The following SPECC1 variants were observed in gnomAD, a reference collection of about 807,000 sequenced individuals.
SPECC1 encodes the protein sperm antigen with calponin homology and coiled-coil domains 1.
Under a neutral mutation model 104.1 loss-of-function variants are expected in SPECC1, and 62 were observed. That is an observed-to-expected ratio of 0.60 (90% confidence interval 0.49 to 0.74). SPECC1 has a LOEUF of 0.74. Among genes scored for constraint, SPECC1 ranks in the 30% least tolerant of loss-of-function variants. The pLI is 0.00. For missense variants in SPECC1, 1,306 were observed against 1,310.5 expected (o/e 1.00, Z 0.05); for synonymous variants, 513 against 501.6 (o/e 1.02, Z -0.30).
Position 20,039,395 on chromosome 17 carries a change from G to A in SPECC1, c.-22+29971G>A, listed in dbSNP as rs866763782. ...ATTGATTTGCCTGCTTTTCTTTCAG[G>A]ATCTTTTCTTGATCCTTTTATTCCT... On this transcript the variant is annotated intron_variant, in intron 1 of 14. Coordinates refer to ENST00000395527, the MANE Select transcript of SPECC1 (RefSeq NM_001243439.2). Among the ~76,000 whole-genome samples, 10 of 152,038 alleles carry A rather than the reference G, an allele frequency of 6.6e-5. 1 individual carries two copies. In the South Asian group the frequency reaches 8.3e-4, roughly 13 times the overall value.
At chr17:20,307,602 T>C (rs887715965) in intron 14 of SPECC1, among the ~76,000 whole-genome samples, 1 of 152,216 alleles carries the variant, frequency 6.6e-6, no homozygotes, top group African/African-American at 2.4e-5. Flanking sequence ...TCAGTTTCTT[T>C]AGTGGGAAGC....
intron 2 of SPECC1, among the ~76,000 whole-genome samples, chr17:20,104,740 CAAAAAAAAAA>C (rs745893309): frequency 1.7e-5 from 1 of 57,240 alleles, no homozygotes; most frequent in African/African-American, 6.9e-5. Context: ...GAGACTGTCT[CAAAAAAAAAA>C]AAAAAAAAAA....
Position 20,314,115 on chromosome 17 carries a change from T to C in SPECC1, c.*50T>C, listed in dbSNP as rs2042001616. Reference sequence around the variant, plus strand: ...CATTGCCACCTACTGCAGCTTTTCCTGGAAGCGCCTGATTACTGTCCACTG... The same window carrying C: ...CATTGCCACCTACTGCAGCTTTTCCCGGAAGCGCCTGATTACTGTCCACTG... On this transcript the variant is annotated 3_prime_UTR_variant, in exon 15 of 15. Coordinates refer to ENST00000395527, the MANE Select transcript of SPECC1 (RefSeq NM_001243439.2). The C allele has an allele frequency of 4.6e-6, 7 of 1,509,818 alleles. No homozygotes were observed. The highest frequency in any genetic ancestry group is 2.3e-5 in the East Asian group (1 of 43,608). 93.5% of individuals were successfully genotyped at this position (1,509,818 alleles called of 1,614,324 possible).
chr17:20,292,672 G>T (rs1356921152), intron 12 of SPECC1, among the ~76,000 whole-genome samples: 1 of 152,156 alleles, frequency 6.6e-6, no homozygotes, highest in East Asian at 1.9e-4. Flanking sequence ...TCAGGTAGCT[G>T]TCGAACCCAA....
Position 20,232,215 on chromosome 17 carries a change from T to C in SPECC1, c.2161T>C (p.Trp721Arg). The change falls in exon 7 of 15, where the codon TGG becomes CGG. Residue 721 changes from tryptophan (W) to arginine (R), a missense_variant. This residue lies in a region of SPECC1 where 1,177 missense variants were observed against 1,139.9 expected (regional missense o/e 1.03). Coordinates refer to ENST00000395527, the MANE Select transcript of SPECC1 (RefSeq NM_001243439.2). Reference sequence around the variant, plus strand: ...ACATTTTCAGGAGGAGACCGAGGAATGGAGGCGGTTCCAGGCGGATCTGCA... The same window carrying C: ...ACATTTTCAGGAGGAGACCGAGGAACGGAGGCGGTTCCAGGCGGATCTGCA... ...TKQMKEETEE[W>R]RRFQADLQTA... 6.2e-7 allele frequency: 1 copy of C among 1,613,988 alleles called. No homozygotes were observed. Among genetic ancestry groups the C allele is most frequent in the Non-Finnish European group, 8.5e-7 (1 of 1,180,030 alleles).
At chr17:20,164,953 A>G (rs925175834) in intron 3 of SPECC1, among the ~76,000 whole-genome samples, 2 of 152,240 alleles carry the variant, frequency 1.3e-5, no homozygotes, top group Non-Finnish European at 2.9e-5. Flanking sequence ...TTGACTTGAT[A>G]GAATACTGCC....
intron 3 of SPECC1, among the ~76,000 whole-genome samples, chr17:20,135,058 C>T (rs1330112858): frequency 6.6e-6 from 1 of 152,140 alleles, no homozygotes; most frequent in Non-Finnish European, 1.5e-5. Flanking sequence ...AAAACATGAT[C>T]AGATCTCTTA....
chr17:20,293,354 CTT>C (rs2041236368), intron 12 of SPECC1, among the ~76,000 whole-genome samples: 2 of 151,858 alleles, frequency 1.3e-5, no homozygotes, highest in African/African-American at 4.9e-5. Context: ...ATCAAACCTC[CTT>C]CTCTTATTCC....
intron 1 of SPECC1, among the ~76,000 whole-genome samples, chr17:20,045,185 C>A (rs879692301): frequency 2.0e-5 from 3 of 152,060 alleles, no homozygotes; most frequent in Non-Finnish European, 4.4e-5. Context: ...TTAGCTCATA[C>A]TGACTATCAT....
At chr17:20,285,316 A>G (rs552895126) in intron 12 of SPECC1, among the ~76,000 whole-genome samples, 1 of 152,170 alleles carries the variant, frequency 6.6e-6, no homozygotes, top group Non-Finnish European at 1.5e-5. Flanking sequence ...TTGGATATGC[A>G]CTAAAATTAG....
chr17:20,099,511 C>CA (rs56285234), intron 2 of SPECC1, among the ~76,000 whole-genome samples: 5,771 of 91,618 alleles, frequency 0.063, 280 homozygotes, highest in Non-Finnish European at 0.082. Flanking sequence ...TGTCTTTACC[C>CA]AAAAAAAAAA....
chr17:20,136,345 A>G (rs1462386408), intron 3 of SPECC1, among the ~76,000 whole-genome samples: 1 of 151,822 alleles, frequency 6.6e-6, no homozygotes, highest in East Asian at 1.9e-4. Context: ...GAATTGCTTG[A>G]ACACGGGAGG....
chr17:20,012,863 C>A (rs1409672507), intron 1 of SPECC1, among the ~76,000 whole-genome samples: 1 of 152,140 alleles, frequency 6.6e-6, no homozygotes, highest in Non-Finnish European at 1.5e-5. Flanking sequence ...ATTACCGCAG[C>A]CCCTGGCAAC....
In SPECC1 at chr17:20,093,741, T is replaced by G. The variant is rs960518145; in HGVS notation, c.-21-2890T>G. ...TTTTGTTTTTGTTTTTTGTTTTTTT[T>G]TTTTTTGGAGATGGAGTCTCCCTCT... On this transcript the variant is annotated intron_variant, in intron 1 of 14. Coordinates refer to ENST00000395527, the MANE Select transcript of SPECC1 (RefSeq NM_001243439.2). Among the ~76,000 whole-genome samples, 324 of 118,918 alleles carry G rather than the reference T, an allele frequency of 2.7e-3. 2 individuals are homozygous for G. Among genetic ancestry groups the G allele is most frequent in the East Asian group, 9.9e-3 (49 of 4,974 alleles). 78.0% of individuals were successfully genotyped at this position (118,918 alleles called of 152,430 possible). A position where few individuals can be genotyped will look rare whatever the true frequency, so the allele number is the denominator to read the frequency against.
intron 4 of SPECC1, among the ~76,000 whole-genome samples, chr17:20,220,534 C>T (rs1171713377): frequency 6.7e-6 from 1 of 148,680 alleles, no homozygotes; most frequent in African/African-American, 2.5e-5. Flanking sequence ...CCTGCAACTT[C>T]ACTGAATTTA....
chr17:20,042,222 A>G (rs114611624), intron 1 of SPECC1, among the ~76,000 whole-genome samples: 202 of 152,276 alleles, frequency 1.3e-3, no homozygotes, highest in African/African-American at 3.9e-3. Context: ...TTGACACCCA[A>G]TGGGGTGGGG....
At chr17:20,246,742 A>G (rs989865757) in intron 8 of SPECC1, among the ~76,000 whole-genome samples, 5 of 152,232 alleles carry the variant, frequency 3.3e-5, no homozygotes, top group African/African-American at 1.2e-4. Context: ...CAGTAACAAT[A>G]TCTTTCTTCC....
chr17:20,107,738 C>T (rs1311751642), intron 2 of SPECC1, among the ~76,000 whole-genome samples: 1 of 152,232 alleles, frequency 6.6e-6, no homozygotes, highest in East Asian at 1.9e-4. Context: ...GTTGACAAGG[C>T]TTGTCTCAAA....
intron 1 of SPECC1, among the ~76,000 whole-genome samples, chr17:20,032,968 A>ATT (rs776295689): frequency 2.3e-4 from 33 of 141,940 alleles, no homozygotes; most frequent in Middle Eastern, 7.7e-3. Flanking sequence ...ATATATGTAT[A>ATT]TTTTTTTTTT....
Sources: gnomAD v4.1 joint callset for allele counts (sites outside exome capture counted in the v4.1 genomes callset) on GRCh38, gnomAD v4.1.1 for gene constraint, gnomAD v4.1.1 regional missense constraint, MANE v1.5 for transcripts, NCBI Gene and HGNC (gene_info 2026-07-23, HGNC 2026-07-21) for gene names.